MYO6: variants seen among roughly 807,000 people sequenced by gnomAD.
The protein encoded by MYO6 is unconventional myosin-VI.
A neutral mutation model predicts 178.7 loss-of-function variants in MYO6; 74 were observed. That is an observed-to-expected ratio of 0.41 (90% CI 0.34 to 0.50). The LOEUF (loss-of-function observed/expected upper bound fraction) is 0.50. Ranked by LOEUF, MYO6 falls within the 20% of genes least tolerant of loss-of-function variation. The pLI, the probability that MYO6 is intolerant of heterozygous loss-of-function variation, is 0.09. For missense variants in MYO6, 1,330 were observed against 1,547.4 expected (o/e 0.86, Z 2.36); for synonymous variants, 477 against 504.6 (o/e 0.95, Z 0.73).
At chr6:75,914,711 GT>G in intron 34 of MYO6, 101 bp from the exon 35 acceptor site, 1 of 1,147,330 alleles carries the variant, frequency 8.7e-7, no homozygotes, top group Non-Finnish European at 1.3e-6. Flanking sequence ...GTCTTAGGAA[GT>G]TTTCAAATCT....
intron 1 of MYO6, among the ~76,000 whole-genome samples, chr6:75,758,974 A>G (rs1777720302): frequency 1.3e-5 from 2 of 151,286 alleles, no homozygotes; most frequent in African/African-American, 2.4e-5. Flanking sequence ...GGTTCAAGCG[A>G]TTCTAATGTC....
intron 1 of MYO6, among the ~76,000 whole-genome samples, chr6:75,816,087 G>A (rs1771214627): frequency 6.6e-6 from 1 of 152,224 alleles, no homozygotes; most frequent in Non-Finnish European, 1.5e-5. Context: ...AATTAGGTTA[G>A]AATTCACCTT....
At chr6:75,782,776 C>T (rs191570661) in intron 1 of MYO6, among the ~76,000 whole-genome samples, 86 of 152,222 alleles carry the variant, frequency 5.6e-4, no homozygotes, top group African/African-American at 2.0e-3. Context: ...AAGCTGAAAA[C>T]AAATTCTCTC....
At chr6:75,764,582 C>T (rs1778237022) in intron 1 of MYO6, among the ~76,000 whole-genome samples, 1 of 152,130 alleles carries the variant, frequency 6.6e-6, no homozygotes, top group African/African-American at 2.4e-5. Context: ...AGGGTATAAA[C>T]TGCCTAGCGA....
rs374664210 is a variant in MYO6, at chr6:75,880,131, A to C, written c.2286+11A>C. 1.8e-5 allele frequency: 28 copies of C among 1,579,746 alleles called. 1 individual carries two copies. Among genetic ancestry groups the C allele is most frequent in the Middle Eastern group, 2.3e-4 (1 of 4,408 alleles). ...TTTAGACCTGGCAAGGTAAATATAC[A>C]TTTTTTACTTTAAACTGTAACATCA... On this transcript the variant is annotated intron_variant, in intron 22 of 34. Transcript: ENST00000369977.
chr6:75,864,011 A>C (rs1228446049), intron 16 of MYO6, among the ~76,000 whole-genome samples: 1 of 152,064 alleles, frequency 6.6e-6, no homozygotes, highest in Non-Finnish European at 1.5e-5. Flanking sequence ...AGCCACACAA[A>C]TGGATGTCAG....
At chr6:75,817,742 T>A in intron 2 of MYO6, 78 bp downstream of exon 2, 1 of 1,208,572 alleles carries the variant, frequency 8.3e-7, no homozygotes, top group Non-Finnish European at 1.2e-6. Flanking sequence ...AAGGTCTGTC[T>A]TCTTAATGAG....
intron 30 of MYO6, among the ~76,000 whole-genome samples, chr6:75,905,018 G>T (rs1292857375): frequency 6.6e-6 from 1 of 152,188 alleles, no homozygotes; most frequent in Non-Finnish European, 1.5e-5. Flanking sequence ...TGCTGGGGGT[G>T]CCTCCCAGTT....
chr6:75,758,811 A>G (rs1236737894), intron 1 of MYO6, among the ~76,000 whole-genome samples: 3 of 152,056 alleles, frequency 2.0e-5, no homozygotes, highest in African/African-American at 7.2e-5. Flanking sequence ...ATATTAGTTA[A>G]AATTGTTAAT....
intron 25 of MYO6, among the ~76,000 whole-genome samples, chr6:75,888,339 A>ATG (rs1161994641): frequency 1.4e-5 from 2 of 146,532 alleles, no homozygotes; most frequent in Non-Finnish European, 3.0e-5. Flanking sequence ...TGGAGGCCAG[A>ATG]TGTGATGGCT....
chr6:75,912,201 C>T (rs1243026451), intron 33 of MYO6, among the ~76,000 whole-genome samples: 8 of 151,978 alleles, frequency 5.3e-5, no homozygotes, highest in Non-Finnish European at 7.4e-5. Context: ...TTTATAGCCT[C>T]TTATGATACA....
intron 1 of MYO6, among the ~76,000 whole-genome samples, chr6:75,750,493 A>G (rs1285313021): frequency 6.6e-6 from 1 of 151,332 alleles, no homozygotes; most frequent in Non-Finnish European, 1.5e-5. Flanking sequence ...GCACTGCCCT[A>G]ACTTAATAGA....
intron 1 of MYO6, among the ~76,000 whole-genome samples, chr6:75,785,989 C>G (rs908470239): frequency 2.0e-5 from 3 of 151,920 alleles, no homozygotes; most frequent in African/African-American, 7.2e-5. Flanking sequence ...GATCCTGGCT[C>G]ACTGCAACCT....
In MYO6 at chr6:75,886,735, T is replaced by C. The variant is rs1778468066; in HGVS notation, c.2508-109T>C. On this transcript the variant is annotated intron_variant, in intron 24 of 34. Coordinates refer to ENST00000369977, the MANE Select transcript of MYO6 (RefSeq NM_004999.4). ...GAGATCTGAAAAAGAGAATAGTAGA[T>C]AATATTGAAAACAGAAGTGAAATAC... The C allele has an allele frequency of 1.5e-5, 16 of 1,047,422 alleles. No homozygotes were observed. The South Asian group carries it at 1.6e-4, about 10-fold the overall frequency. The allele number at this position is 1,047,422 out of a possible 1,614,324, so 64.9% of individuals were successfully genotyped here.
At position 75,915,433 on chromosome 6, in the gene MYO6, A is replaced by G. The variant is rs1440543583; in HGVS notation, c.*421A>G. 5.4e-6 allele frequency: 1 copy of G among 186,326 alleles called. No homozygotes were observed. The highest frequency in any genetic ancestry group is 1.1e-5 in the Non-Finnish European group (1 of 87,168). 11.5% of individuals were successfully genotyped at this position (186,326 alleles called of 1,614,324 possible). On this transcript the variant is annotated 3_prime_UTR_variant, in exon 35 of 35. Transcript: ENST00000369977. ...CTTACATTCTTACAATAACTAAACC[A>G]CTTAAAATGATCAAGGCACTAATGT... is the stretch of plus-strand genomic sequence containing the variant.
At chr6:75,787,377 C>T (rs1243975871) in intron 1 of MYO6, among the ~76,000 whole-genome samples, 4 of 151,976 alleles carry the variant, frequency 2.6e-5, no homozygotes, top group Non-Finnish European at 5.9e-5. Flanking sequence ...AGCAAATAAC[C>T]CCATGCAGTG....
chr6:75,792,436 A>T (rs184543990), intron 1 of MYO6, among the ~76,000 whole-genome samples: 39 of 152,350 alleles, frequency 2.6e-4, no homozygotes, highest in African/African-American at 8.4e-4. Context: ...AATTTGTGCC[A>T]TGGAAACTAA....
chr6:75,851,748 G>A (rs1167256727), intron 11 of MYO6, among the ~76,000 whole-genome samples: 1 of 152,120 alleles, frequency 6.6e-6, no homozygotes, highest in African/African-American at 2.4e-5. Flanking sequence ...GGAAGGCTGA[G>A]GTGGAATGAT....
chr6:75,808,478 T>A (rs1009718223), intron 1 of MYO6, among the ~76,000 whole-genome samples: 5 of 152,186 alleles, frequency 3.3e-5, no homozygotes, highest in Non-Finnish European at 7.3e-5. Flanking sequence ...AAGCCCTGTC[T>A]CCAAATACAG....
Sources: gnomAD v4.1 joint callset for allele counts (sites outside exome capture counted in the v4.1 genomes callset) on GRCh38, gnomAD v4.1.1 for gene constraint, MANE v1.5 for transcripts, NCBI Gene and HGNC (gene_info 2026-07-23, HGNC 2026-07-21) for gene names.